The following SLC35F4 variants were observed in gnomAD, a reference collection of about 807,000 sequenced individuals.
The protein encoded by SLC35F4 is chromosome 14 open reading frame 36.
Under a neutral mutation model 44.2 loss-of-function variants are expected in SLC35F4, and 24 were observed. The ratio of observed to expected loss-of-function variants is 0.54; its 90% CI spans 0.39 to 0.76. The LOEUF is 0.76. Among genes scored for constraint, SLC35F4 ranks in the 30% least tolerant of loss-of-function variants. The pLI, the probability that SLC35F4 is intolerant of heterozygous loss-of-function variation, is 0.00. For synonymous variants in SLC35F4, 238 were observed against 223.6 expected (o/e 1.06, Z -0.57); for missense variants, 562 against 586.1 (o/e 0.96, Z 0.42).
intron 1 of SLC35F4, among the ~76,000 whole-genome samples, chr14:57,913,811 A>G (rs1889262879): frequency 1.3e-5 from 2 of 152,166 alleles, no homozygotes; most frequent in Admixed American, 1.3e-4. Flanking sequence ...TCTAATCTAT[A>G]CCATTTTCTG....
chr14:57,735,136 C>G (rs191106197), intron 1 of SLC35F4, among the ~76,000 whole-genome samples: 22 of 152,290 alleles, frequency 1.4e-4, no homozygotes, highest in Admixed American at 1.3e-3. Context: ...GATTTTCCCA[C>G]TTATGATACT....
At chr14:57,601,360 G>C (rs2139982770) in intron 1 of SLC35F4, among the ~76,000 whole-genome samples, 1 of 152,024 alleles carries the variant, frequency 6.6e-6, no homozygotes, top group Middle Eastern at 3.4e-3. Context: ...GGACACATGT[G>C]CATATTTGTT....
chr14:57,693,317 T>C (rs986370479), intron 1 of SLC35F4, among the ~76,000 whole-genome samples: 4 of 152,184 alleles, frequency 2.6e-5, no homozygotes, highest in African/African-American at 9.7e-5. Context: ...GGCCATAAAT[T>C]GGCCCCAAAA....
chr14:57,961,918 T>C (rs867404118), intron 1 of SLC35F4, among the ~76,000 whole-genome samples: 1 of 152,210 alleles, frequency 6.6e-6, no homozygotes, highest in African/African-American at 2.4e-5. Context: ...AGTGTGAGTA[T>C]CTGTTTTACA....
intron 1 of SLC35F4, among the ~76,000 whole-genome samples, chr14:57,912,203 A>G (rs1268100575): frequency 6.6e-6 from 1 of 151,934 alleles, no homozygotes; most frequent in Non-Finnish European, 1.5e-5. Flanking sequence ...CTTTTCAAAG[A>G]ACCAGCTTTG....
At chr14:57,959,453 A>G (rs1890302181) in intron 1 of SLC35F4, among the ~76,000 whole-genome samples, 1 of 152,158 alleles carries the variant, frequency 6.6e-6, no homozygotes, top group African/African-American at 2.4e-5. Context: ...AGGAAGATGG[A>G]TTTAGCCCCG....
At chr14:57,670,420 T>C (rs2074474556) in intron 1 of SLC35F4, among the ~76,000 whole-genome samples, 1 of 152,090 alleles carries the variant, frequency 6.6e-6, no homozygotes, top group South Asian at 2.1e-4. Context: ...TTAATTGTGA[T>C]GTTAGGGTGT....
At chr14:57,734,723 T>C (rs1229933921) in intron 1 of SLC35F4, among the ~76,000 whole-genome samples, 5 of 152,316 alleles carry the variant, frequency 3.3e-5, no homozygotes, top group Middle Eastern at 3.4e-3. Context: ...AGGCTTTTGA[T>C]AGAAGCCTAC....
intron 1 of SLC35F4, among the ~76,000 whole-genome samples, chr14:57,684,555 C>T (rs571949963): frequency 2.6e-5 from 4 of 152,326 alleles, no homozygotes; most frequent in African/African-American, 9.6e-5. Flanking sequence ...CACTTGCCTG[C>T]TGCTCACCTC....
intron 1 of SLC35F4, among the ~76,000 whole-genome samples, chr14:57,729,901 TCTC>T (rs1379988350): frequency 1.3e-5 from 2 of 152,158 alleles, no homozygotes; most frequent in African/African-American, 4.8e-5. Context: ...AACGGGTGAT[TCTC>T]CTCTCACTAG....
chr14:57,790,776 C>A (rs1336346647), intron 1 of SLC35F4, among the ~76,000 whole-genome samples: 2 of 152,048 alleles, frequency 1.3e-5, no homozygotes, highest in Non-Finnish European at 2.9e-5. Flanking sequence ...GGTACTGGTA[C>A]CAAAAATGTC....
intron 1 of SLC35F4, among the ~76,000 whole-genome samples, chr14:57,692,224 G>A (rs1477708458): frequency 6.6e-6 from 1 of 152,116 alleles, no homozygotes; most frequent in Non-Finnish European, 1.5e-5. Flanking sequence ...ACCGTGGAAG[G>A]ACTTTTCTAA....
chr14:57,662,147 A>C (rs1409618100), intron 1 of SLC35F4, among the ~76,000 whole-genome samples: 25 of 152,166 alleles, frequency 1.6e-4, no homozygotes, highest in Admixed American at 1.6e-3. Context: ...AACATGTAGA[A>C]ATCTCGTGAT....
At chr14:57,631,279 A>G (rs1266224878) in intron 1 of SLC35F4, 2 of 152,122 alleles carry the variant, frequency 1.3e-5, no homozygotes, top group Non-Finnish European at 2.9e-5. Context: ...TTTTTGACTG[A>G]AACATGGAGG....
At chr14:57,774,255 G>A (rs796224380) in intron 1 of SLC35F4, among the ~76,000 whole-genome samples, 53 of 152,272 alleles carry the variant, frequency 3.5e-4, no homozygotes, top group African/African-American at 1.3e-3. Flanking sequence ...CCCAGGACTT[G>A]TTCCTGGCCC....
intron 1 of SLC35F4, among the ~76,000 whole-genome samples, chr14:57,675,072 A>G (rs1415997127): frequency 6.6e-6 from 1 of 152,062 alleles, no homozygotes; most frequent in Non-Finnish European, 1.5e-5. Context: ...ATAAAATTCT[A>G]GAGGCAGCAA....
intron 1 of SLC35F4, among the ~76,000 whole-genome samples, chr14:57,793,249 TA>T (rs946614516): frequency 2.9e-4 from 44 of 152,152 alleles, no homozygotes; most frequent in Non-Finnish European, 5.3e-4. Flanking sequence ...TAAAAACTTT[TA>T]TTTTTTTTTT....
intron 1 of SLC35F4, among the ~76,000 whole-genome samples, chr14:57,614,804 C>G (rs1226354705): frequency 6.6e-6 from 1 of 152,098 alleles, no homozygotes; most frequent in Non-Finnish European, 1.5e-5. Context: ...GTAGATCAGC[C>G]ATGAAGATAG....
intron 1 of SLC35F4, among the ~76,000 whole-genome samples, chr14:57,879,969 CGGAAGAATGGAG>C (rs1888485843): frequency 8.4e-6 from 1 of 119,112 alleles, no homozygotes; most frequent in East Asian, 2.5e-4. Context: ...GAAGGAAGGA[CGGAAGAATGGAG>C]GGAAGGAAGG....
Sources: allele counts gnomAD v4.1 joint callset (sites outside exome capture counted in the v4.1 genomes callset), GRCh38; gene constraint gnomAD v4.1.1; transcripts MANE v1.5; gene names NCBI Gene and HGNC (gene_info 2026-07-23, HGNC 2026-07-21).